Variants in ZNF846 observed in about 807,000 individuals in gnomAD.
ZNF846 encodes the protein zinc finger protein 420 pseudogene.
Under a neutral mutation model 16.0 loss-of-function variants are expected in ZNF846, and 15 were observed. The observed-to-expected ratio is 0.94, with a 90% CI of 0.63 to 1.45. ZNF846 has a LOEUF of 1.45. Ranked by LOEUF, ZNF846 falls within the 40% of genes most tolerant of loss-of-function variation. The pLI, the probability that ZNF846 is intolerant of heterozygous loss-of-function variation, is 0.00. For synonymous variants in ZNF846, 229 were observed against 212.0 expected (o/e 1.08, Z -0.70); for missense variants, 714 against 622.3 (o/e 1.15, Z -1.57).
chr19:9,781,133 T>C (rs1200835727), intron 1 of ZNF846, among the ~76,000 whole-genome samples: 3 of 152,134 alleles, frequency 2.0e-5, no homozygotes, highest in African/African-American at 7.2e-5. Flanking sequence ...CTGTTAGGTG[T>C]TTTTTTGTTT....
At position 9,774,734 on chromosome 19, in the gene ZNF846, G is replaced by T; in HGVS notation, c.-85-9699C>A. ...AACAAAGATCTATCACCCAAATATCGACGAAAAGGGGCAGGTCTGTCTGTC... is the reference window on the plus strand; with the variant it reads ...AACAAAGATCTATCACCCAAATATCTACGAAAAGGGGCAGGTCTGTCTGTC... On this transcript the variant is annotated intron_variant, in intron 1 of 4. Transcript: ENST00000586814. 1.9e-6 allele frequency: 3 copies of T among 1,550,050 alleles called. No homozygotes were observed. In the East Asian group the frequency reaches 6.7e-5, roughly 35 times the overall value.
At chr19:9,754,551 C>T (rs180696956), downstream of ZNF846, among the ~76,000 whole-genome samples, 83 of 107,588 alleles carry the variant, frequency 7.7e-4, 2 homozygotes, top group Admixed American at 7.7e-3. Flanking sequence ...GGCGACAGAG[C>T]GAGACTCTGT....
At chr19:9,764,141 C>A (rs2045276436) in intron 2 of ZNF846, among the ~76,000 whole-genome samples, 1 of 152,188 alleles carries the variant, frequency 6.6e-6, no homozygotes, top group South Asian at 2.1e-4. Context: ...AGCCTATAAA[C>A]AGATGCATGG....
downstream of ZNF846, chr19:9,755,585 G>A (rs998807101): frequency 1.3e-5 from 2 of 150,320 alleles, no homozygotes; most frequent in Admixed American, 6.6e-5. Context: ...CGGATCACAA[G>A]GTCAGGAGAT....
At chr19:9,768,708 A>G (rs564595158), upstream of ZNF846, 1 of 152,442 alleles carries the variant, frequency 6.6e-6, no homozygotes, top group African/African-American at 2.4e-5. Flanking sequence ...AAACCCAGCT[A>G]GGAAGCTGCT....
upstream of ZNF846, among the ~76,000 whole-genome samples, chr19:9,769,968 G>C (rs557907623): frequency 1.4e-5 from 2 of 144,634 alleles, no homozygotes; most frequent in South Asian, 4.3e-4. Flanking sequence ...GCGACAGAGT[G>C]AGACTCCGTC....
At chr19:9,775,043 GA>G (rs2045424745) in intron 1 of ZNF846, 1 of 1,258,712 alleles carries the variant, frequency 7.9e-7, no homozygotes, top group Non-Finnish European at 1.1e-6. Flanking sequence ...GGACTCTGTG[GA>G]AATTGACACG....
At chr19:9,755,144 A>G (rs2145173833), downstream of ZNF846, among the ~76,000 whole-genome samples, 1 of 151,586 alleles carries the variant, frequency 6.6e-6, no homozygotes, top group Admixed American at 6.6e-5. Context: ...AATTAGAAGC[A>G]TGGCCTGGTG....
At chr19:9,768,946 G>A (rs2045363739), upstream of ZNF846, among the ~76,000 whole-genome samples, 1 of 152,144 alleles carries the variant, frequency 6.6e-6, no homozygotes, top group South Asian at 2.1e-4. Flanking sequence ...GAACGACGCC[G>A]GACCAGGAAA....
intron 5 of ZNF846, 75 bp downstream of exon 5, chr19:9,759,785 T>C: frequency 8.4e-7 from 1 of 1,189,754 alleles, no homozygotes; most frequent in Non-Finnish European, 1.2e-6. Flanking sequence ...GTAAATGCCA[T>C]TTTCCTCATA....
chr19:9,775,376 C>T (rs115494483), intron 1 of ZNF846, among the ~76,000 whole-genome samples: 469 of 152,082 alleles, frequency 3.1e-3, no homozygotes, highest in African/African-American at 0.011. Flanking sequence ...ACTATAAAGC[C>T]TCTACAATTA....
chr19:9,781,924 C>T (rs1381707644), intron 1 of ZNF846, among the ~76,000 whole-genome samples: 2 of 151,210 alleles, frequency 1.3e-5, no homozygotes, highest in Non-Finnish European at 3.0e-5. Flanking sequence ...ATTACAGGTG[C>T]ACATCACCAT....
At chr19:9,751,292 C>T (rs145110402), downstream of ZNF846, among the ~76,000 whole-genome samples, 5 of 152,174 alleles carry the variant, frequency 3.3e-5, no homozygotes. Context: ...CACCGCTAAT[C>T]CTGCTCAAAG....
intron 5 of ZNF846, chr19:9,752,467 T>C (rs1417868515): frequency 4.8e-6 from 2 of 419,196 alleles, no homozygotes; most frequent in Non-Finnish European, 9.6e-6. Context: ...TACACAAAAT[T>C]AGCTGAGCTT....
rs1394260598 is a variant in ZNF846 at position 9,758,271 on chromosome 19, AGTCCT to A, written c.801_805del (p.Gly268Ter). On this transcript the variant is annotated frameshift_variant, in exon 6 of 6. Transcript: ENST00000397902. LOFTEE classifies it low-confidence loss of function (END_TRUNC). Reference sequence around the variant, plus strand: ...ACTGTGAGTTCTGATGTGTAATTTAAGTCCTGTGGATTGAGTGAAAGCTTTACCAC... The same window carrying A: ...ACTGTGAGTTCTGATGTGTAATTTAAGTGGATTGAGTGAAAGCTTTACCAC... The A allele has an allele frequency of 6.2e-7, 1 of 1,613,460 alleles. No homozygotes were observed. Among genetic ancestry groups the A allele is most frequent in the South Asian group, 1.1e-5 (1 of 91,080 alleles).
At chr19:9,776,643 T>G (rs973567070) in intron 1 of ZNF846, among the ~76,000 whole-genome samples, 4 of 152,192 alleles carry the variant, frequency 2.6e-5, no homozygotes, top group Non-Finnish European at 4.4e-5. Context: ...CTCCGTGCAT[T>G]GGGGGTAGCG....
Position 9,784,545 on chromosome 19 carries a change from C to T in ZNF846, c.-86+1393G>A, listed in dbSNP as rs142948281. Among the ~76,000 whole-genome samples the T allele has an allele frequency of 6.1e-3, 929 of 152,288 alleles. 7 individuals are homozygous for T. The highest frequency in any genetic ancestry group is 0.021 in the African/African-American group (885 of 41,550). ...TCCATTCCCAGGGATGAGCAGGAGA[C>T]AGATGCTTTCCTCTTATCTCAACTG... is the stretch of plus-strand genomic sequence containing the variant. On this transcript the variant is annotated intron_variant, in intron 1 of 4. Transcript: ENST00000586814.
intron 1 of ZNF846, chr19:9,774,551 T>C: frequency 5.4e-6 from 8 of 1,480,528 alleles, no homozygotes; most frequent in Non-Finnish European, 7.6e-6. Flanking sequence ...AAATGTGGGA[T>C]GAAAAACTTC....
exon 1 of ZNF846, chr19:9,768,599 C>G (rs1408367449): frequency 6.6e-6 from 1 of 152,292 alleles, no homozygotes; most frequent in Non-Finnish European, 1.5e-5. Flanking sequence ...TCAGACCTAG[C>G]AGAAGTCCGG....
Sources: gnomAD v4.1 joint callset for allele counts (sites outside exome capture counted in the v4.1 genomes callset) on GRCh38, gnomAD v4.1.1 for gene constraint, MANE v1.5 for transcripts, NCBI Gene and HGNC (gene_info 2026-07-23, HGNC 2026-07-21) for gene names.